MARF1: variants seen among roughly 807,000 people sequenced by gnomAD.
MARF1 encodes the protein limkain-b1.
A neutral mutation model predicts 168.2 loss-of-function variants in MARF1; 24 were observed. The observed-to-expected ratio is 0.14, with a 90% CI of 0.10 to 0.20. The LOEUF (loss-of-function observed/expected upper bound fraction) is 0.20, where lower values mean the gene tolerates loss of function less well. Ranked by LOEUF, MARF1 falls within the 10% of genes least tolerant of loss-of-function variation. The pLI, the probability that MARF1 is intolerant of heterozygous loss-of-function variation, is 1.00. For missense variants in MARF1, 1,744 were observed against 2,143.6 expected (o/e 0.81, Z 3.68); for synonymous variants, 868 against 822.4 (o/e 1.06, Z -0.95).
At chr16:15,620,411 T>C (rs1567561370) in intron 13 of MARF1, 40 bp downstream of exon 13, 2 of 1,287,304 alleles carry the variant, frequency 1.6e-6, no homozygotes. Flanking sequence ...AAGCCACCAA[T>C]CAGTACTGAC....
chr16:15,635,973 T>C lies in MARF1; in HGVS notation c.514A>G (p.Ile172Val). Reference protein sequence around the residue: ...NASARNNLAGIASDFPSMCLE... With the variant: ...NASARNNLAGVASDFPSMCLE... ...CACATGCTGGGAAAGTCACTTGCAA[T>C]GCCTGCCAAATTGTTCCTAGCTGAG... The change falls in exon 3 of 27, where the codon ATT becomes GTT. Residue 172 changes from isoleucine (I) to valine (V), a missense_variant. Coordinates refer to ENST00000396368, the MANE Select transcript of MARF1 (RefSeq NM_014647.4). 1 of 1,614,178 alleles carries C rather than the reference T, an allele frequency of 6.2e-7. No homozygotes were observed. Among genetic ancestry groups the C allele is most frequent in the Non-Finnish European group, 8.5e-7 (1 of 1,180,046 alleles).
intron 12 of MARF1, 54 bp downstream of exon 12, chr16:15,621,678 AT>A: frequency 1.3e-6 from 2 of 1,524,056 alleles, no homozygotes; most frequent in Non-Finnish European, 1.8e-6. Context: ...TATTTCTAAA[AT>A]TGTTTCTGGG....
intron 7 of MARF1, among the ~76,000 whole-genome samples, chr16:15,629,898 A>T (rs1463745443): frequency 6.6e-6 from 1 of 152,236 alleles, no homozygotes; most frequent in African/African-American, 2.4e-5. Context: ...GCTGAAGCTT[A>T]AGGATTAAAT....
intron 20 of MARF1, among the ~76,000 whole-genome samples, chr16:15,608,970 G>C (rs561375080): frequency 6.6e-5 from 10 of 152,332 alleles, no homozygotes; most frequent in African/African-American, 2.4e-4. Flanking sequence ...CAGGTGTGGT[G>C]GCTCACGCCT....
intron 5 of MARF1, among the ~76,000 whole-genome samples, chr16:15,631,798 C>T (rs1242393379): frequency 1.3e-5 from 2 of 152,138 alleles, no homozygotes; most frequent in East Asian, 3.9e-4. Context: ...TCCCTGTGTC[C>T]ATGTGTTCTC....
chr16:15,625,908 A>G, intron 7 of MARF1, 108 bp from the exon 8 acceptor site: 1 of 778,416 alleles, frequency 1.3e-6, no homozygotes, highest in Non-Finnish European at 2.1e-6. Flanking sequence ...AACTTTGAAG[A>G]GAAGATGACA....
chr16:15,605,575 T>C (rs2032938553), intron 21 of MARF1, among the ~76,000 whole-genome samples: 1 of 152,080 alleles, frequency 6.6e-6, no homozygotes, highest in African/African-American at 2.4e-5. Flanking sequence ...CTACAGCTGC[T>C]TAGGAAAGAA....
intron 7 of MARF1, among the ~76,000 whole-genome samples, chr16:15,626,961 G>GAA (rs71134441): frequency 0.011 from 1,249 of 116,194 alleles, 16 homozygotes; most frequent in African/African-American, 0.023. Context: ...GAGATTCTGT[G>GAA]AAAAAAAAAA....
chr16:15,600,153 T>G (rs1248096697), intron 25 of MARF1, among the ~76,000 whole-genome samples: 1 of 152,118 alleles, frequency 6.6e-6, no homozygotes. Flanking sequence ...CGGAATAATT[T>G]TTTTCTTCAA....
chr16:15,604,480 G>T, intron 21 of MARF1, 82 bp from the exon 22 acceptor site: 1 of 884,772 alleles, frequency 1.1e-6, no homozygotes. Context: ...CTTCATTTTG[G>T]TTAATGAGAC....
At chr16:15,626,476 T>C (rs2034851787) in intron 7 of MARF1, among the ~76,000 whole-genome samples, 1 of 152,278 alleles carries the variant, frequency 6.6e-6, no homozygotes, top group African/African-American at 2.4e-5. Context: ...TCAGTCCTGG[T>C]TGGTTTTTGC....
chr16:15,635,530 G>C, intron 3 of MARF1, 126 bp downstream of exon 3: 1 of 827,018 alleles, frequency 1.2e-6, no homozygotes. Flanking sequence ...ATGCTGATGG[G>C]GAGATTCCCC....
In MARF1 at chr16:15,600,922, GAC is replaced by G. The variant is rs1281435470; in HGVS notation, c.4627-223_4627-222del. ...AAGCAGAGTAGTTCAAAAATCATGAGACACAGTTTCAGAAATATCCTTTATAA... is the reference window on the plus strand; with the variant it reads ...AAGCAGAGTAGTTCAAAAATCATGAGACAGTTTCAGAAATATCCTTTATAA... On this transcript the variant is annotated intron_variant, in intron 23 of 26. Coordinates refer to ENST00000396368, the MANE Select transcript of MARF1 (RefSeq NM_014647.4). The G allele has an allele frequency of 2.0e-5, 14 of 701,372 alleles. 1 individual carries two copies. The highest frequency in any genetic ancestry group is 7.5e-5 in the South Asian group (5 of 67,106). 43.4% of individuals were successfully genotyped at this position (701,372 alleles called of 1,614,324 possible).
Position 15,596,780 on chromosome 16 carries a change from G to T in MARF1, c.5142C>A (p.Asp1714Glu). ...SETSESLLSK[D>E]PVESPAKKQP... ...GCTTTTTGGCCGGGCTTTCCACGGG[G>T]TCCTTGCTGAGCAGTGACTCGGAGG... The change falls in exon 27 of 27, where the codon GAC (aspartate) becomes GAA (glutamate). Residue 1714 changes from aspartate to glutamate, a missense_variant. Transcript: ENST00000396368. 6.2e-7 allele frequency: 1 copy of T among 1,613,696 alleles called. No individual in the cohort carries two copies. Among genetic ancestry groups the T allele is most frequent in the Non-Finnish European group, 8.5e-7 (1 of 1,179,676 alleles).
chr16:15,641,820 A>C (rs1385048101), intron 1 of MARF1, among the ~76,000 whole-genome samples: 1 of 152,230 alleles, frequency 6.6e-6, no homozygotes, highest in African/African-American at 2.4e-5. Context: ...AAGCGATTAA[A>C]AGTAAAAACT....
intron 23 of MARF1, 88 bp downstream of exon 23, chr16:15,601,903 T>G: frequency 1.9e-6 from 2 of 1,079,540 alleles, no homozygotes; most frequent in Non-Finnish European, 2.9e-6. Context: ...CGTTCCATTA[T>G]TCTGGCAGCA....
Position 15,639,197 on chromosome 16 carries a change from T to C in MARF1, c.37A>G (p.Arg13Gly), listed in dbSNP as rs768437469. ...TCTTGTTGAAGCCATCCACGTGTTC[T>C]ACTGCAGGAGTTCTCAGTTCCGTTT... ...EGNGTENSCS[R>G]TRGWLQQDND... The change falls in exon 2 of 27, where the codon AGA (arginine) becomes GGA (glycine). Residue 13 changes from arginine (R) to glycine (G), a missense_variant. Arg to Gly is a moderately radical substitution (Grantham distance 125). Coordinates refer to ENST00000396368, the MANE Select transcript of MARF1 (RefSeq NM_014647.4). 1.9e-6 allele frequency: 3 copies of C among 1,614,034 alleles called. No individual in the cohort carries two copies. The highest frequency in any genetic ancestry group is 1.1e-5 in the South Asian group (1 of 91,080).
intron 10 of MARF1, 122 bp downstream of exon 10, chr16:15,624,647 G>C: frequency 2.3e-6 from 2 of 878,650 alleles, no homozygotes; most frequent in Non-Finnish European, 3.6e-6. Context: ...ACTGGCAGAA[G>C]AGTGATGGGA....
At position 15,595,981 on chromosome 16, in the gene MARF1, G is replaced by T. The variant is rs1030303374; in HGVS notation, c.*712C>A. On this transcript the variant is annotated 3_prime_UTR_variant, in exon 27 of 27. Coordinates refer to ENST00000396368, the MANE Select transcript of MARF1 (RefSeq NM_014647.4). ...ACCCATATCAAACTGGAACACAGAA[G>T]GGAAGCTTCAAACATCCTCAACTTT... 3.9e-5 allele frequency: 6 copies of T among 152,558 alleles called. No homozygotes were observed. The highest frequency in any genetic ancestry group is 3.3e-4 in the Admixed American group (5 of 15,282). The allele number at this position is 152,558 out of a possible 1,614,324, so 9.5% of individuals were successfully genotyped here.
Sources: gnomAD v4.1 joint callset for allele counts (sites outside exome capture counted in the v4.1 genomes callset) on GRCh38, gnomAD v4.1.1 for gene constraint, MANE v1.5 for transcripts, NCBI Gene and HGNC (gene_info 2026-07-23, HGNC 2026-07-21) for gene names.